KCNQ1: variants seen among roughly 807,000 people sequenced by gnomAD.
KCNQ1 encodes potassium voltage-gated channel subfamily KQT member 1.
KCNQ1 carries 49 observed loss-of-function variants against 72.4 expected under a neutral mutation model. The observed-to-expected ratio is 0.68, with a 90% CI of 0.54 to 0.86. The LOEUF is 0.86. KCNQ1 is among the 40% of genes least tolerant of loss of function. The pLI, the probability that KCNQ1 is intolerant of heterozygous loss-of-function variation, is 0.00. For synonymous variants in KCNQ1, 450 were observed against 412.6 expected (o/e 1.09, Z -1.10); for missense variants, 790 against 945.1 (o/e 0.84, Z 2.15).
In KCNQ1 at chr11:2,572,008, C is replaced by T. The variant is rs1212611138; in HGVS notation, c.684-5C>T. 12 of 1,610,924 alleles carry T rather than the reference C, an allele frequency of 7.4e-6. No individual in the cohort carries two copies. The highest frequency in any genetic ancestry group is 1.7e-5 in the Admixed American group (1 of 59,880). ...TCCCTCAGCCCCACACCATCTCCTT[C>T]GCAGGGGCATCCGCTTCCTGCAGAT... On this transcript the variant is annotated splice_region_variant and splice_polypyrimidine_tract_variant and intron_variant, in intron 4 of 15. Transcript: ENST00000155840.
At chr11:2,636,293 C>T (rs1017195028) in intron 10 of KCNQ1, 1 of 152,204 alleles carries the variant, frequency 6.6e-6, no homozygotes, top group East Asian at 1.9e-4. Flanking sequence ...CCAGTTTTTG[C>T]TCATTCAGTA....
chr11:2,473,839 G>T lies in KCNQ1; in HGVS notation c.386+28355G>T, dbSNP rs906786599. Among the ~76,000 whole-genome samples the T allele has an allele frequency of 6.6e-6, 1 of 152,234 alleles. No homozygotes were observed. The highest frequency in any genetic ancestry group is 1.5e-5 in the Non-Finnish European group (1 of 68,034). ...GGCCATTGCTCAGTGGCACCAGCTGGGCAGACAGCCGCATGCGCTCACCAC... is the reference window on the plus strand; with the variant it reads ...GGCCATTGCTCAGTGGCACCAGCTGTGCAGACAGCCGCATGCGCTCACCAC... On this transcript the variant is annotated intron_variant, in intron 1 of 15. Coordinates refer to ENST00000155840, the MANE Select transcript of KCNQ1 (RefSeq NM_000218.3). The surrounding 1 kb of genome is among the most constrained non-coding windows in gnomAD (Gnocchi z 6.0).
chr11:2,590,102 TAAAAC>T (rs1420317252), intron 10 of KCNQ1, among the ~76,000 whole-genome samples: 5 of 152,222 alleles, frequency 3.3e-5, no homozygotes, highest in Non-Finnish European at 4.4e-5. Flanking sequence ...GCAGCTCTCT[TAAAAC>T]CAAATGTGAA....
At chr11:2,582,500 G>A (rs1361731237) in intron 6 of KCNQ1, among the ~76,000 whole-genome samples, 5 of 152,248 alleles carry the variant, frequency 3.3e-5, no homozygotes, top group Non-Finnish European at 2.9e-5. Flanking sequence ...GCCTGCAAGC[G>A]GTGGCCGTCA....
chr11:2,609,135 C>G (rs996152322), intron 10 of KCNQ1: 7 of 397,940 alleles, frequency 1.8e-5, no homozygotes, highest in Non-Finnish European at 2.7e-5. Flanking sequence ...TGATTTGAAG[C>G]CTTATTTTTT....
Position 2,651,832 on chromosome 11 carries a change from T to C in KCNQ1, c.1394-10129T>C, listed in dbSNP as rs1849760711. The stretch of plus-strand genomic sequence containing the variant: ...CATTGGAATGGAGCCCACAGGACCA[T>C]ACCAGACAGATGCCACCACATCTTT... On this transcript the variant is annotated intron_variant, in intron 10 of 15. Coordinates refer to ENST00000155840, the MANE Select transcript of KCNQ1 (RefSeq NM_000218.3). This position sits in a 1 kb window ranked among gnomAD's most constrained non-coding sequence, Gnocchi z 6.1. 2.5e-6 allele frequency: 1 copy of C among 398,514 alleles called. No individual in the cohort carries two copies. Among genetic ancestry groups the C allele is most frequent in the Non-Finnish European group, 4.4e-6 (1 of 226,110 alleles). 24.7% of individuals were successfully genotyped at this position (398,514 alleles called of 1,614,324 possible).
chr11:2,455,306 G>A (rs1012611760), intron 1 of KCNQ1, among the ~76,000 whole-genome samples: 1 of 151,628 alleles, frequency 6.6e-6, no homozygotes, highest in African/African-American at 2.4e-5. Context: ...CACCGTGTTA[G>A]CCAGGATGGT....
chr11:2,558,746 C>T (rs987748928), intron 2 of KCNQ1, among the ~76,000 whole-genome samples: 3 of 152,116 alleles, frequency 2.0e-5, no homozygotes, highest in African/African-American at 7.2e-5. Flanking sequence ...ACCGGCAGTA[C>T]ATGTGAAATT....
At chr11:2,847,048 C>G (rs753515124) in intron 15 of KCNQ1, among the ~76,000 whole-genome samples, 2 of 152,204 alleles carry the variant, frequency 1.3e-5, no homozygotes, top group Non-Finnish European at 2.9e-5. Context: ...ATAGTGGTGT[C>G]CCCGCTAGGT....
intron 11 of KCNQ1, among the ~76,000 whole-genome samples, chr11:2,749,616 C>T (rs924955838): frequency 3.6e-5 from 5 of 138,168 alleles, no homozygotes; most frequent in Non-Finnish European, 6.1e-5. Context: ...GAGACCACGG[C>T]GAAACCCTGT....
At chr11:2,840,489 A>C (rs1848184749) in intron 15 of KCNQ1, 1 of 151,260 alleles carries the variant, frequency 6.6e-6, no homozygotes, top group African/African-American at 2.4e-5. Flanking sequence ...AGGCGATTCA[A>C]AGATTTAGGG....
At chr11:2,684,447 C>A (rs923618091) in intron 11 of KCNQ1, 6 of 398,518 alleles carry the variant, frequency 1.5e-5, no homozygotes, top group Non-Finnish European at 2.7e-5. Context: ...AAAACGTGTT[C>A]TTTTGGCAAA....
rs1025226703 is a variant in KCNQ1, at chr11:2,828,110, G to A, written c.1795-19657G>A. 2.6e-5 allele frequency among the ~76,000 whole-genome samples: 4 copies of A among 152,206 alleles called. No homozygotes were observed. Among genetic ancestry groups the A allele is most frequent in the Admixed American group, 1.3e-4 (2 of 15,286 alleles). On this transcript the variant is annotated intron_variant, in intron 15 of 15. Coordinates refer to ENST00000155840, the MANE Select transcript of KCNQ1 (RefSeq NM_000218.3). This position sits in a 1 kb window ranked among gnomAD's most constrained non-coding sequence, Gnocchi z 5.3. Reference sequence around the variant, plus strand: ...AGCCAGCAGGGAAGGGGCCACAGCCGGGACTCAGAGGAGGCAGCCACGTGC... The same window carrying A: ...AGCCAGCAGGGAAGGGGCCACAGCCAGGACTCAGAGGAGGCAGCCACGTGC...
At chr11:2,606,369 G>T (rs925448245) in intron 10 of KCNQ1, among the ~76,000 whole-genome samples, 1 of 152,168 alleles carries the variant, frequency 6.6e-6, no homozygotes, top group Non-Finnish European at 1.5e-5. Flanking sequence ...GTGGGGTCTG[G>T]TGGGGGGTGT....
chr11:2,646,281 T>C (rs1329952956), intron 10 of KCNQ1: 1 of 398,522 alleles, frequency 2.5e-6, no homozygotes, highest in Non-Finnish European at 4.4e-6. Context: ...TCATAGCATC[T>C]GTATATTGCT....
intron 1 of KCNQ1, among the ~76,000 whole-genome samples, chr11:2,448,471 C>A (rs1039710238): frequency 6.6e-6 from 1 of 152,230 alleles, no homozygotes; most frequent in Admixed American, 6.5e-5. Context: ...CAAGGCCATG[C>A]AGAGCCAGCT....
At position 2,827,645 on chromosome 11, in the gene KCNQ1, G is replaced by T. The variant is rs1847866171; in HGVS notation, c.1795-20122G>T. On this transcript the variant is annotated intron_variant, in intron 15 of 15. Coordinates refer to ENST00000155840, the MANE Select transcript of KCNQ1 (RefSeq NM_000218.3). The surrounding 1 kb of genome is among the most constrained non-coding windows in gnomAD (Gnocchi z 6.7). ...ATTAAAAAAAAAAAGTGGGGTCGGG[G>T]GGGCGGGGGAGAGCGGCTATGGAGA... 6.6e-6 allele frequency among the ~76,000 whole-genome samples: 1 copy of T among 151,892 alleles called. No individual in the cohort carries two copies. The highest frequency in any genetic ancestry group is 1.5e-5 in the Non-Finnish European group (1 of 67,936).
intron 2 of KCNQ1, among the ~76,000 whole-genome samples, chr11:2,555,332 G>A (rs569535040): frequency 6.6e-6 from 1 of 152,328 alleles, no homozygotes; most frequent in East Asian, 1.9e-4. Flanking sequence ...AGCTAAGACA[G>A]TGATCAGAGG....
chr11:2,504,125 C>T (rs1036709467), intron 1 of KCNQ1, among the ~76,000 whole-genome samples: 12 of 152,272 alleles, frequency 7.9e-5, no homozygotes, highest in African/African-American at 2.9e-4. Context: ...TGTGTATACA[C>T]GCAACGGTAT....
Sources: allele counts gnomAD v4.1 joint callset (sites outside exome capture counted in the v4.1 genomes callset), GRCh38; gene constraint gnomAD v4.1.1; non-coding constraint Gnocchi (gnomAD v3.1); transcripts MANE v1.5; gene names NCBI Gene and HGNC (gene_info 2026-07-23, HGNC 2026-07-21).